The following MOB2 variants were observed in gnomAD, a reference collection of about 807,000 sequenced individuals.
The protein encoded by MOB2 is MOB kinase activator 2.
MOB2 carries 14 observed loss-of-function variants against 27.4 expected under a neutral mutation model. The observed-to-expected ratio is 0.51, with a 90% CI of 0.34 to 0.80. MOB2 has a LOEUF of 0.80. MOB2 is among the 30% of genes least tolerant of loss of function. The pLI is 0.01. For synonymous variants in MOB2, 167 were observed against 151.8 expected (o/e 1.10, Z -0.74); for missense variants, 304 against 354.6 (o/e 0.86, Z 1.15).
intron 1 of MOB2, chr11:1,481,276 GCTT>G: frequency 3.4e-6 from 1 of 295,878 alleles, no homozygotes; most frequent in Non-Finnish European, 6.8e-6. Flanking sequence ...CTCACTCCTG[GCTT>G]CTTTTGAGTT....
At position 1,480,389 on chromosome 11, in the gene MOB2, T is replaced by G; in HGVS notation, c.365+4A>C. ...AAAGTGGGCTGTAGCCAGGCAGCAC[T>G]CACGTGTTGCACACGGCCATCGTCT... is the stretch of plus-strand genomic sequence containing the variant. On this transcript the variant is annotated splice_donor_region_variant and intron_variant, in intron 3 of 4. Coordinates refer to ENST00000329957, the MANE Select transcript of MOB2 (RefSeq NM_001172223.3). 1.9e-6 allele frequency: 3 copies of G among 1,612,100 alleles called. No homozygotes were observed. Among genetic ancestry groups the G allele is most frequent in the Non-Finnish European group, 2.5e-6 (3 of 1,178,540 alleles).
At chr11:1,478,884 T>G (rs1172189554) in intron 3 of MOB2, among the ~76,000 whole-genome samples, 1 of 152,184 alleles carries the variant, frequency 6.6e-6, no homozygotes, top group Non-Finnish European at 1.5e-5. Context: ...TTGCTGGTCT[T>G]TTGGGTGGCA....
chr11:1,478,674 G>C (rs1316659350), intron 3 of MOB2, among the ~76,000 whole-genome samples: 2 of 152,156 alleles, frequency 1.3e-5, no homozygotes, highest in Admixed American at 6.5e-5. Flanking sequence ...CCTTATTTGG[G>C]GTTTGCTTAG....
At position 1,470,285 on chromosome 11, in the gene MOB2, C is replaced by G; in HGVS notation, c.694G>C (p.Asp232His). The G allele has an allele frequency of 6.2e-7, 1 of 1,613,190 alleles. No individual in the cohort carries two copies. The highest frequency in any genetic ancestry group is 8.5e-7 in the Non-Finnish European group (1 of 1,179,896). The part of the protein sequence containing the change: ...LLDPKETAIM[D>H]DLTEVLCSGA... ...CTGCATAGCACCTCGGTGAGGTCGT[C>G]CATGATGGCGGTCTCTTTGGGGTCC... is the stretch of plus-strand genomic sequence containing the variant. Residue 232 changes from aspartate to histidine, a missense_variant, in exon 5 of 5, where the codon GAC becomes CAC. Asp to His is a moderately conservative substitution (Grantham distance 81, BLOSUM62 -1). Transcript: ENST00000329957.
At chr11:1,484,909 C>T (rs187988869) in intron 1 of MOB2, among the ~76,000 whole-genome samples, 17 of 152,182 alleles carry the variant, frequency 1.1e-4, no homozygotes, top group Admixed American at 9.2e-4. Context: ...GTCTGCCCCC[C>T]CAAACAGGTC....
chr11:1,485,244 T>C (rs950899886), intron 1 of MOB2, among the ~76,000 whole-genome samples: 30 of 152,212 alleles, frequency 2.0e-4, no homozygotes, highest in Admixed American at 8.5e-4. Flanking sequence ...CTGTGTCTCC[T>C]GTGGAGCTGC....
In MOB2 at chr11:1,469,915, C is replaced by A. The variant is rs1471239860; in HGVS notation, c.*257G>T. 8.6e-6 allele frequency: 7 copies of A among 817,014 alleles called. No individual in the cohort carries two copies. The South Asian group carries it at 1.0e-4, about 12-fold the overall frequency. The allele number at this position is 817,014 out of a possible 1,614,324, so 50.6% of individuals were successfully genotyped here. On this transcript the variant is annotated 3_prime_UTR_variant, in exon 5 of 5. Coordinates refer to ENST00000329957, the MANE Select transcript of MOB2 (RefSeq NM_001172223.3). ...ACAGAAGAAAACTCAAAGCATCAGTCCCATGCGTGTCTGCTGAACGAGTGA... is the reference window on the plus strand; with the variant it reads ...ACAGAAGAAAACTCAAAGCATCAGTACCATGCGTGTCTGCTGAACGAGTGA...
rs1847751047 is a variant in MOB2, at chr11:1,469,565, GC to G, written c.*606del. The G allele has an allele frequency of 2.2e-6, 1 of 456,642 alleles. No individual in the cohort carries two copies. The highest frequency in any genetic ancestry group is 2.0e-5 in the African/African-American group (1 of 50,098). 28.3% of individuals were successfully genotyped at this position (456,642 alleles called of 1,614,324 possible). On this transcript the variant is annotated 3_prime_UTR_variant, in exon 5 of 5. Coordinates refer to ENST00000329957, the MANE Select transcript of MOB2 (RefSeq NM_001172223.3). Reference sequence around the variant, plus strand: ...CACGCAGGGCCTCAGCCCCGTCCTGGCCTTGCCTGAGGACTGCACCATGGGT... The same window carrying G: ...CACGCAGGGCCTCAGCCCCGTCCTGGCTTGCCTGAGGACTGCACCATGGGT...
intron 2 of MOB2, 23 bp downstream of exon 2, chr11:1,480,702 C>T: frequency 6.3e-7 from 1 of 1,594,922 alleles, no homozygotes; most frequent in Non-Finnish European, 8.5e-7. Context: ...AGGGAGGGGG[C>T]CCGCCCCCAG....
intron 2 of MOB2, 26 bp downstream of exon 2, chr11:1,480,699 G>A: frequency 1.9e-6 from 3 of 1,594,956 alleles, no homozygotes; most frequent in East Asian, 4.5e-5. Context: ...AGGAGGGAGG[G>A]GGCCCGCCCC....
At chr11:1,475,777 T>G (rs753469046) in intron 3 of MOB2, among the ~76,000 whole-genome samples, 7 of 152,266 alleles carry the variant, frequency 4.6e-5, no homozygotes, top group Non-Finnish European at 1.0e-4. Context: ...ATTTCAGATG[T>G]AACAGCGAAA....
intron 3 of MOB2, among the ~76,000 whole-genome samples, chr11:1,473,852 C>G (rs568900334): frequency 6.6e-6 from 1 of 152,260 alleles, no homozygotes; most frequent in Non-Finnish European, 1.5e-5. Context: ...GCTGTGCCCC[C>G]AGCACCCCGG....
At chr11:1,475,229 T>C (rs763091160) in intron 3 of MOB2, among the ~76,000 whole-genome samples, 5 of 152,248 alleles carry the variant, frequency 3.3e-5, no homozygotes, top group African/African-American at 4.8e-5. Context: ...AATTTCACAT[T>C]GCTAATATAC....
chr11:1,482,064 C>T (rs560188812), intron 1 of MOB2, among the ~76,000 whole-genome samples: 64 of 152,304 alleles, frequency 4.2e-4, no homozygotes, highest in African/African-American at 1.3e-3. Context: ...CCCTGACCAC[C>T]GGCAGGTGGG....
At chr11:1,477,731 A>G (rs1328048741) in intron 3 of MOB2, among the ~76,000 whole-genome samples, 1 of 152,176 alleles carries the variant, frequency 6.6e-6, no homozygotes, top group African/African-American at 2.4e-5. Flanking sequence ...ACCGCAAGAA[A>G]TAAGATTCTG....
chr11:1,480,655 C>A, intron 2 of MOB2, 70 bp downstream of exon 2: 2 of 1,563,438 alleles, frequency 1.3e-6, no homozygotes, highest in South Asian at 2.3e-5. Flanking sequence ...CCGTGGGGGT[C>A]CCCCTTGAGG....
chr11:1,485,034 C>G (rs188239439), intron 1 of MOB2, among the ~76,000 whole-genome samples: 2 of 152,362 alleles, frequency 1.3e-5, no homozygotes, highest in Admixed American at 1.3e-4. Flanking sequence ...CCAGACCAAA[C>G]GTCCAAACAG....
intron 3 of MOB2, among the ~76,000 whole-genome samples, chr11:1,475,223 TC>T (rs1423371314): frequency 1.3e-5 from 2 of 152,246 alleles, no homozygotes; most frequent in Non-Finnish European, 1.5e-5. Flanking sequence ...GTTTTAAATT[TC>T]ACATTGCTAA....
At chr11:1,474,872 T>C (rs1847835695) in intron 3 of MOB2, among the ~76,000 whole-genome samples, 1 of 152,270 alleles carries the variant, frequency 6.6e-6, no homozygotes, top group Non-Finnish European at 1.5e-5. Context: ...GTCTCAAAAG[T>C]GTGAGATTCC....
Sources: gnomAD v4.1 joint callset for allele counts (sites outside exome capture counted in the v4.1 genomes callset) on GRCh38, gnomAD v4.1.1 for gene constraint, MANE v1.5 for transcripts, NCBI Gene and HGNC (gene_info 2026-07-23, HGNC 2026-07-21) for gene names.